Variants in DENND5A observed in about 807,000 individuals in gnomAD.
The protein encoded by DENND5A is DENN domain-containing protein 5A.
Under a neutral mutation model 140.3 loss-of-function variants are expected in DENND5A, and 64 were observed. The ratio of observed to expected loss-of-function variants is 0.46; its 90% CI spans 0.37 to 0.56. The LOEUF is 0.56. DENND5A is among the 20% of genes least tolerant of loss of function. DENND5A has a pLI of 0.00. For missense variants in DENND5A, 1,292 were observed against 1,593.8 expected, an observed-to-expected ratio of 0.81 and a Z score of 3.22; for synonymous variants, 605 against 607.7, an observed-to-expected ratio of 1.00 and a Z score of 0.07.
chr11:9,240,136 G>T (rs949134745), intron 1 of DENND5A, among the ~76,000 whole-genome samples: 1 of 152,142 alleles, frequency 6.6e-6, no homozygotes, highest in Non-Finnish European at 1.5e-5. Flanking sequence ...GGCTGGGCGT[G>T]GTGGCTCACG....
intron 20 of DENND5A, 61 bp downstream of exon 20, chr11:9,143,342 A>G: frequency 1.4e-6 from 2 of 1,476,738 alleles, no homozygotes; most frequent in East Asian, 2.3e-5. Context: ...ATAATCGGAA[A>G]AACAAAATTA....
At chr11:9,177,581 A>G (rs1227164548) in intron 8 of DENND5A, among the ~76,000 whole-genome samples, 1 of 152,076 alleles carries the variant, frequency 6.6e-6, no homozygotes, top group African/African-American at 2.4e-5. Context: ...CTTGAGCCCA[A>G]GAGTTCAAAA....
At chr11:9,263,109 T>C (rs74715789) in intron 1 of DENND5A, among the ~76,000 whole-genome samples, 3 of 152,136 alleles carry the variant, frequency 2.0e-5, no homozygotes, top group Non-Finnish European at 4.4e-5. Flanking sequence ...CTAATATTAA[T>C]TATATTACTG....
intron 1 of DENND5A, among the ~76,000 whole-genome samples, chr11:9,243,864 C>G (rs1420021463): frequency 6.6e-6 from 1 of 152,074 alleles, no homozygotes; most frequent in South Asian, 2.1e-4. Flanking sequence ...CCAGCCTGGG[C>G]GACAGAACGA....
At chr11:9,168,269 G>T (rs373341488) in intron 10 of DENND5A, among the ~76,000 whole-genome samples, 1 of 151,936 alleles carries the variant, frequency 6.6e-6, no homozygotes, top group Non-Finnish European at 1.5e-5. Flanking sequence ...AGCTGTTCTC[G>T]TGATAGTGCA....
At position 9,143,610 on chromosome 11, in the gene DENND5A, G is replaced by A. The variant is rs929195905; in HGVS notation, c.3305-125C>T. 1.0e-5 allele frequency: 8 copies of A among 773,336 alleles called. No individual in the cohort carries two copies. In the Admixed American group the frequency reaches 1.1e-4, roughly 10 times the overall value. 47.9% of individuals were successfully genotyped at this position (773,336 alleles called of 1,614,324 possible). A position where few individuals can be genotyped will look rare whatever the true frequency, so the allele number is the denominator to read the frequency against. ...AGGCAGGGCAGCTGGACCCTAGGAA[G>A]CAGAGGCGCTTGCCCACCCAGCTTT... On this transcript the variant is annotated intron_variant, in intron 19 of 22. Transcript: ENST00000328194.
chr11:9,218,897 T>A (rs984976963), intron 1 of DENND5A, among the ~76,000 whole-genome samples: 2 of 151,584 alleles, frequency 1.3e-5, no homozygotes, highest in African/African-American at 4.9e-5. Context: ...TCCCAGCTAC[T>A]TGGGAGGCTG....
chr11:9,243,714 T>C (rs1851341622), intron 1 of DENND5A, among the ~76,000 whole-genome samples: 1 of 152,060 alleles, frequency 6.6e-6, no homozygotes, highest in Non-Finnish European at 1.5e-5. Flanking sequence ...GGTGAAACCC[T>C]GTCTCTACTA....
chr11:9,204,021 A>G lies in DENND5A; in HGVS notation c.588T>C (p.Ile196=). 1 of 1,614,108 alleles carries G rather than the reference A, an allele frequency of 6.2e-7. No homozygotes were observed. Among genetic ancestry groups the G allele is most frequent in the African/African-American group, 1.3e-5 (1 of 75,016 alleles). The change falls in exon 4 of 23, where the codon ATT becomes ATC. Residue 196 remains isoleucine (I), a synonymous_variant. Transcript: ENST00000328194. ...TAGAGACGTAGAGAGTGTCCCGGCTAATGTCATAGGAGTTGAAGCGCTGCA... is the reference window on the plus strand; with the variant it reads ...TAGAGACGTAGAGAGTGTCCCGGCTGATGTCATAGGAGTTGAAGCGCTGCA... ...TKLQRFNSYD[I]SRDTLYVSKC...
chr11:9,198,416 T>A (rs1381488040), intron 4 of DENND5A, among the ~76,000 whole-genome samples: 2 of 151,176 alleles, frequency 1.3e-5, no homozygotes, highest in African/African-American at 4.9e-5. Context: ...ATCGAGACCA[T>A]CCTGGCCAAC....
chr11:9,231,595 A>C (rs1850772620), intron 1 of DENND5A, among the ~76,000 whole-genome samples: 1 of 151,772 alleles, frequency 6.6e-6, no homozygotes, highest in South Asian at 2.1e-4. Context: ...CATGCCTGTA[A>C]TCCTAGCTAC....
intron 1 of DENND5A, among the ~76,000 whole-genome samples, chr11:9,208,691 C>T (rs1485213187): frequency 6.6e-6 from 1 of 152,212 alleles, no homozygotes; most frequent in African/African-American, 2.4e-5. Flanking sequence ...TAGGACCCAA[C>T]CTTCTTTCTG....
At chr11:9,239,677 G>A (rs1256087302) in intron 1 of DENND5A, among the ~76,000 whole-genome samples, 1 of 151,932 alleles carries the variant, frequency 6.6e-6, no homozygotes, top group Non-Finnish European at 1.5e-5. Context: ...GCCCAGGCTG[G>A]TCTCGAAATC....
At chr11:9,228,425 G>A (rs991601358) in intron 1 of DENND5A, among the ~76,000 whole-genome samples, 1 of 151,984 alleles carries the variant, frequency 6.6e-6, no homozygotes, top group African/African-American at 2.4e-5. Context: ...TTTCAAAATC[G>A]TGCCAACACA....
At chr11:9,252,169 G>A (rs916030557) in intron 1 of DENND5A, among the ~76,000 whole-genome samples, 20 of 141,878 alleles carry the variant, frequency 1.4e-4, no homozygotes, top group East Asian at 5.8e-4. Context: ...ATGGTAGCAC[G>A]CGCCTGTAGT....
At chr11:9,142,252 G>T in intron 21 of DENND5A, 144 bp from the exon 22 acceptor site, 1 of 590,804 alleles carries the variant, frequency 1.7e-6, no homozygotes, top group Non-Finnish European at 2.8e-6. Context: ...CACTGGTCAT[G>T]TTTCAAAATG....
intron 12 of DENND5A, among the ~76,000 whole-genome samples, chr11:9,154,547 T>C (rs951122848): frequency 8.5e-5 from 13 of 152,136 alleles, no homozygotes; most frequent in African/African-American, 3.1e-4. Flanking sequence ...AAAACAAACA[T>C]CTGAATGGTA....
chr11:9,245,473 C>T (rs1851431351), intron 1 of DENND5A: 1 of 151,488 alleles, frequency 6.6e-6, no homozygotes, highest in East Asian at 2.0e-4. Flanking sequence ...TACCAGTAAT[C>T]CCAGCTACTC....
intron 5 of DENND5A, among the ~76,000 whole-genome samples, chr11:9,192,416 C>T (rs940320032): frequency 1.3e-5 from 2 of 152,194 alleles, no homozygotes; most frequent in African/African-American, 2.4e-5. Flanking sequence ...ATCATGAGGT[C>T]AGGCGTTCGA....
Sources: gnomAD v4.1 joint callset for allele counts (sites outside exome capture counted in the v4.1 genomes callset) on GRCh38, gnomAD v4.1.1 for gene constraint, MANE v1.5 for transcripts, NCBI Gene and HGNC (gene_info 2026-07-23, HGNC 2026-07-21) for gene names.